Variants in WWP2 observed in about 807,000 individuals in gnomAD.
The protein encoded by WWP2 is WW domain containing E3 ubiquitin protein ligase 2, also known as NEDD4-like E3 ubiquitin-protein ligase WWP2.
WWP2 carries 57 observed loss-of-function variants against 121.0 expected under a neutral mutation model. That is an observed-to-expected ratio of 0.47 (90% CI 0.38 to 0.59). The LOEUF (loss-of-function observed/expected upper bound fraction) is 0.59, where lower values mean the gene tolerates loss of function less well. Among genes scored for constraint, WWP2 ranks in the 20% least tolerant of loss-of-function variants. The probability of loss-of-function intolerance (pLI) is 0.00; values close to 1 mark genes in which losing one functional copy is unlikely to be tolerated. For synonymous variants in WWP2, 449 were observed against 441.3 expected (o/e 1.02, Z -0.22); for missense variants, 962 against 1,158.9 (o/e 0.83, Z 2.47).
At chr16:69,908,633 T>C in intron 8 of WWP2, 128 bp from the exon 9 acceptor site, 1 of 1,512,264 alleles carries the variant, frequency 6.6e-7, no homozygotes, top group East Asian at 2.3e-5. Flanking sequence ...CGCCATTGGG[T>C]CGGCCTCGCA....
At position 69,812,468 on chromosome 16, in the gene WWP2, A is replaced by ACCC. The variant is rs747172682; in HGVS notation, c.340+13180_340+13182dup. ...GCATGAGACACCGCGCCTGCCCCCA[A>ACCC]CCCCCCCCCTTTTTTTTTTTTTTTA... On this transcript the variant is annotated intron_variant, in intron 4 of 23. Coordinates refer to ENST00000359154, the MANE Select transcript of WWP2 (RefSeq NM_001270454.2). 4.5e-4 allele frequency among the ~76,000 whole-genome samples: 46 copies of ACCC among 101,756 alleles called. 1 individual carries two copies. Among genetic ancestry groups the ACCC allele is most frequent in the Non-Finnish European group, 5.9e-4 (30 of 50,756 alleles). 66.8% of individuals were successfully genotyped at this position (101,756 alleles called of 152,430 possible). A position where few individuals can be genotyped will look rare whatever the true frequency, so the allele number is the denominator to read the frequency against.
At chr16:69,931,773 C>T in intron 15 of WWP2, 29 bp from the exon 16 acceptor site, 1 of 1,611,676 alleles carries the variant, frequency 6.2e-7, no homozygotes, top group Non-Finnish European at 8.5e-7. Flanking sequence ...GGGAGAGTGG[C>T]AGGCTGGCCC....
intron 6 of WWP2, among the ~76,000 whole-genome samples, chr16:69,860,117 C>T (rs961201578): frequency 1.3e-5 from 2 of 152,048 alleles, no homozygotes; most frequent in African/African-American, 2.4e-5. Flanking sequence ...GGGAGGATCA[C>T]TTCACCTTAG....
intron 9 of WWP2, chr16:69,909,377 C>G: frequency 1.0e-6 from 1 of 986,366 alleles, no homozygotes; most frequent in Non-Finnish European, 1.2e-6. Flanking sequence ...TGAAGGGCTC[C>G]TGTATAAAAT....
chr16:69,924,652 C>A (rs2058611797), intron 10 of WWP2, among the ~76,000 whole-genome samples: 1 of 151,840 alleles, frequency 6.6e-6, no homozygotes, highest in African/African-American at 2.4e-5. Flanking sequence ...CCCCTTCTTT[C>A]CCCTGTCTCC....
chr16:69,780,362 A>G (rs1460140929), intron 1 of WWP2, among the ~76,000 whole-genome samples: 1 of 151,546 alleles, frequency 6.6e-6, no homozygotes, highest in East Asian at 1.9e-4. Context: ...AAATATATCA[A>G]TTTATCCATT....
At position 69,792,740 on chromosome 16, in the gene WWP2, A is replaced by G. The variant is rs147314393; in HGVS notation, c.70+5660A>G. Among the ~76,000 whole-genome samples the G allele has an allele frequency of 2.8e-3, 420 of 152,292 alleles. 10 individuals carry two copies. The highest frequency in any genetic ancestry group is 0.022 in the Admixed American group (334 of 15,288). ...AGGGTCTCACTCTGTCACCTAGGCT[A>G]GAGTGCAGTGGCACAATTACAGCTC... On this transcript the variant is annotated intron_variant, in intron 2 of 23. Coordinates refer to ENST00000359154, the MANE Select transcript of WWP2 (RefSeq NM_001270454.2).
At chr16:69,776,647 A>C (rs1555544153) in intron 1 of WWP2, among the ~76,000 whole-genome samples, 1 of 151,714 alleles carries the variant, frequency 6.6e-6, no homozygotes, top group African/African-American at 2.4e-5. Context: ...CTTAACATGG[A>C]GAAACCCCGT....
chr16:69,939,315 T>G (rs1330686415), intron 22 of WWP2, 26 bp from the exon 23 acceptor site: 1 of 1,613,896 alleles, frequency 6.2e-7, no homozygotes, highest in East Asian at 2.2e-5. Context: ...TCTGCTGACG[T>G]CGGCGTGTTT....
intron 1 of WWP2, among the ~76,000 whole-genome samples, chr16:69,770,301 A>G (rs114092999): frequency 0.012 from 1,788 of 152,286 alleles, 27 homozygotes; most frequent in African/African-American, 0.038. Context: ...CCTCTGGGAC[A>G]GGGAGAGGGA....
In WWP2 at chr16:69,937,684, A is replaced by G. The variant is rs2058820510; in HGVS notation, c.2343+32A>G. ...CCCGGGCCCAGGCCTTGGCAGGGAC[A>G]TTTGGGCCATCAACCAAAGGAAACG... is the stretch of plus-strand genomic sequence containing the variant. On this transcript the variant is annotated intron_variant, in intron 21 of 23. Transcript: ENST00000359154. This position sits in a 1 kb window ranked among gnomAD's most constrained non-coding sequence, Gnocchi z 6.6. 6.2e-7 allele frequency: 1 copy of G among 1,608,896 alleles called. No individual in the cohort carries two copies. The highest frequency in any genetic ancestry group is 1.1e-5 in the South Asian group (1 of 90,884).
intron 4 of WWP2, among the ~76,000 whole-genome samples, chr16:69,813,203 C>A (rs911386417): frequency 2.0e-5 from 3 of 147,736 alleles, no homozygotes; most frequent in African/African-American, 7.5e-5. Context: ...GCTCTTGTTG[C>A]CTAGGCTGGA....
intron 8 of WWP2, among the ~76,000 whole-genome samples, chr16:69,906,811 CAG>C: frequency 6.6e-6 from 1 of 152,258 alleles, no homozygotes; most frequent in Middle Eastern, 3.4e-3. Flanking sequence ...ACCCAAGAAT[CAG>C]AGGCTGTAGT....
chr16:69,842,339 T>A (rs1007382122), intron 6 of WWP2, among the ~76,000 whole-genome samples: 2 of 152,128 alleles, frequency 1.3e-5, no homozygotes, highest in African/African-American at 4.8e-5. Context: ...AATTTTTGTT[T>A]TTATTTTAGA....
chr16:69,930,401 A>T (rs1441890642), intron 13 of WWP2, 143 bp downstream of exon 13: 1 of 1,326,636 alleles, frequency 7.5e-7, no homozygotes, highest in African/African-American at 1.5e-5. Context: ...TGTTGATGTC[A>T]TATTAAAGGG....
chr16:69,861,728 C>T (rs1014411530), intron 6 of WWP2, among the ~76,000 whole-genome samples: 2 of 147,454 alleles, frequency 1.4e-5, no homozygotes, highest in Admixed American at 6.8e-5. Context: ...TATTTATTGG[C>T]GCTTCTCTGG....
At chr16:69,883,298 C>T (rs1288105113) in intron 7 of WWP2, among the ~76,000 whole-genome samples, 1 of 151,984 alleles carries the variant, frequency 6.6e-6, no homozygotes, top group Admixed American at 6.6e-5. Flanking sequence ...TGACCGTGGG[C>T]CAGTAATGTA....
chr16:69,926,467 A>G (rs1001582932), intron 11 of WWP2, among the ~76,000 whole-genome samples: 1 of 152,180 alleles, frequency 6.6e-6, no homozygotes, highest in African/African-American at 2.4e-5. Flanking sequence ...GGAAGTTGGC[A>G]GTGATAGGAT....
intron 8 of WWP2, among the ~76,000 whole-genome samples, chr16:69,889,965 T>C (rs2057995954): frequency 6.6e-6 from 1 of 152,186 alleles, no homozygotes; most frequent in Non-Finnish European, 1.5e-5. Flanking sequence ...TTGTTGTTGT[T>C]GTTGTTTGAG....
Sources: allele counts gnomAD v4.1 joint callset (sites outside exome capture counted in the v4.1 genomes callset), GRCh38; gene constraint gnomAD v4.1.1; non-coding constraint Gnocchi (gnomAD v3.1); transcripts MANE v1.5; gene names NCBI Gene and HGNC (gene_info 2026-07-23, HGNC 2026-07-21).